DIAPH3: variants seen among roughly 807,000 people sequenced by gnomAD.
DIAPH3 encodes diaphanous related formin 3.
In DIAPH3, 117 loss-of-function variants were observed where a neutral mutation model predicts 144.3. That is an observed-to-expected ratio of 0.81 (90% confidence interval 0.70 to 0.95). The LOEUF (loss-of-function observed/expected upper bound fraction) is 0.95, where lower values mean the gene tolerates loss of function less well. Among genes scored for constraint, DIAPH3 ranks in the 40% least tolerant of loss-of-function variants. The pLI, the probability that DIAPH3 is intolerant of heterozygous loss-of-function variation, is 0.00. For synonymous variants in DIAPH3, 519 were observed against 488.9 expected (o/e 1.06, Z -0.81); for missense variants, 1,421 against 1,412.7 (o/e 1.01, Z -0.09).
At chr13:59,795,376 A>C (rs1004157643) in intron 25 of DIAPH3, among the ~76,000 whole-genome samples, 1 of 152,048 alleles carries the variant, frequency 6.6e-6, no homozygotes, top group Non-Finnish European at 1.5e-5. Context: ...GCCACCAAGG[A>C]AAATGGCATC....
At chr13:60,000,375 T>C (rs993576298) in intron 9 of DIAPH3, among the ~76,000 whole-genome samples, 3 of 151,610 alleles carry the variant, frequency 2.0e-5, no homozygotes, top group East Asian at 1.9e-4. Context: ...CTCTCAAAGA[T>C]GGTTAAAATG....
rs951326850 is a variant in DIAPH3 at position 60,045,264 on chromosome 13, C to T, written c.496-2444G>A. On this transcript the variant is annotated intron_variant, in intron 4 of 27. Coordinates refer to ENST00000400324, the MANE Select transcript of DIAPH3 (RefSeq NM_001042517.2). ...CTGAGGCAGGAGAATCGCTTGAACC[C>T]GGGAGGTGAAGGTTGAGGTGAGCAG... Among the ~76,000 whole-genome samples, 9 of 151,844 alleles carry T rather than the reference C, an allele frequency of 5.9e-5. No individual in the cohort carries two copies. In the East Asian group the frequency reaches 1.6e-3, roughly 26 times the overall value.
intron 27 of DIAPH3, among the ~76,000 whole-genome samples, chr13:59,673,561 G>A (rs2032489612): frequency 6.6e-6 from 1 of 152,130 alleles, no homozygotes; most frequent in African/African-American, 2.4e-5. Context: ...CTCATGGTGG[G>A]CCCCTAGATA....
chr13:59,833,070 T>C (rs751501612), intron 24 of DIAPH3, 37 bp downstream of exon 24: 3 of 1,520,240 alleles, frequency 2.0e-6, no homozygotes, highest in East Asian at 2.4e-5. Context: ...ATAGTATAAA[T>C]AAAAAAACTT....
intron 25 of DIAPH3, among the ~76,000 whole-genome samples, chr13:59,797,097 T>TTC (rs1457496254): frequency 6.6e-6 from 1 of 152,136 alleles, no homozygotes; most frequent in Non-Finnish European, 1.5e-5. Context: ...AATAGCAATA[T>TTC]TGTATATAAT....
At chr13:59,939,451 G>A (rs776823821) in intron 17 of DIAPH3, among the ~76,000 whole-genome samples, 1 of 152,142 alleles carries the variant, frequency 6.6e-6, no homozygotes, top group African/African-American at 2.4e-5. Context: ...CATTAAAGGT[G>A]CATAGTGATA....
chr13:59,752,367 ATT>A (rs57731997), intron 27 of DIAPH3, among the ~76,000 whole-genome samples: 32 of 139,374 alleles, frequency 2.3e-4, no homozygotes, highest in Admixed American at 2.9e-4. Context: ...AATGTAGTCA[ATT>A]TTTTTTTTTT....
At chr13:59,712,740 TTTAA>T (rs1019418957) in intron 27 of DIAPH3, among the ~76,000 whole-genome samples, 1 of 152,230 alleles carries the variant, frequency 6.6e-6, no homozygotes, top group African/African-American at 2.4e-5. Flanking sequence ...ACTTGTTCAC[TTTAA>T]TAAGTCTTCC....
chr13:59,825,044 A>AT (rs1252422213), intron 24 of DIAPH3, among the ~76,000 whole-genome samples: 1 of 121,596 alleles, frequency 8.2e-6, no homozygotes, highest in Admixed American at 8.7e-5. Context: ...TATTTTATTT[A>AT]TTATTATTAT....
rs201815265 is a variant in DIAPH3, at chr13:59,892,004, TAAAC to T, written c.2368-12540_2368-12537del. ...TGATTTAGGACCTGAAGATTCATAT[TAAAC>T]AAACAAACAAACAAGCAACAACAAC... On this transcript the variant is annotated intron_variant, in intron 20 of 27. Transcript: ENST00000400324. Among the ~76,000 whole-genome samples, 711 of 151,906 alleles carry T rather than the reference TAAAC, an allele frequency of 4.7e-3. 7 individuals carry two copies. Among genetic ancestry groups the T allele is most frequent in the African/African-American group, 0.016 (660 of 41,460 alleles).
At chr13:59,782,384 A>T (rs2038785451) in intron 25 of DIAPH3, among the ~76,000 whole-genome samples, 1 of 152,168 alleles carries the variant, frequency 6.6e-6, no homozygotes, top group Non-Finnish European at 1.5e-5. Context: ...AGTCTATGCT[A>T]TTATCTAGAA....
At chr13:59,958,528 C>T (rs1443232278) in intron 17 of DIAPH3, among the ~76,000 whole-genome samples, 1 of 151,864 alleles carries the variant, frequency 6.6e-6, no homozygotes, top group Non-Finnish European at 1.5e-5. Context: ...GTGAGAGTCA[C>T]AAAAAATGTT....
chr13:59,928,090 T>C (rs1437546714), intron 17 of DIAPH3, among the ~76,000 whole-genome samples: 4 of 152,176 alleles, frequency 2.6e-5, no homozygotes, highest in African/African-American at 7.2e-5. Flanking sequence ...TATTTTTCTT[T>C]TTTTGGTTTG....
At chr13:59,887,360 G>C (rs1270064646) in intron 20 of DIAPH3, among the ~76,000 whole-genome samples, 1 of 151,984 alleles carries the variant, frequency 6.6e-6, no homozygotes, top group Admixed American at 6.6e-5. Context: ...TTAGTTTCTA[G>C]TTTTGCTGTA....
At chr13:60,142,500 A>C (rs2059444928) in intron 1 of DIAPH3, among the ~76,000 whole-genome samples, 1 of 152,170 alleles carries the variant, frequency 6.6e-6, no homozygotes, top group Admixed American at 6.5e-5. Context: ...ATTTACAACA[A>C]TTTAAACATA....
chr13:59,780,788 G>A (rs187104331), intron 25 of DIAPH3, among the ~76,000 whole-genome samples: 2 of 152,110 alleles, frequency 1.3e-5, no homozygotes, highest in Non-Finnish European at 2.9e-5. Context: ...TTTTGATGGG[G>A]AACAAAGATT....
At chr13:60,084,034 A>G (rs2057667222) in intron 4 of DIAPH3, among the ~76,000 whole-genome samples, 1 of 151,918 alleles carries the variant, frequency 6.6e-6, no homozygotes, top group African/African-American at 2.4e-5. Context: ...AGATAGATAG[A>G]TAGATAGATA....
intron 22 of DIAPH3, among the ~76,000 whole-genome samples, chr13:59,845,001 CT>C (rs1566402627): frequency 1.3e-5 from 2 of 151,670 alleles, no homozygotes; most frequent in South Asian, 4.2e-4. Context: ...GACTTAACAC[CT>C]TTTTTTCTTT....
At chr13:59,752,304 T>A (rs142476141) in intron 27 of DIAPH3, among the ~76,000 whole-genome samples, 1 of 151,694 alleles carries the variant, frequency 6.6e-6, no homozygotes, top group East Asian at 1.9e-4. Context: ...TAGACCCCTA[T>A]AGGGTTTTCT....
Sources: gnomAD v4.1 joint callset for allele counts (sites outside exome capture counted in the v4.1 genomes callset) on GRCh38, gnomAD v4.1.1 for gene constraint, MANE v1.5 for transcripts, NCBI Gene and HGNC (gene_info 2026-07-23, HGNC 2026-07-21) for gene names.